SEMA7A: variants seen among roughly 807,000 people sequenced by gnomAD.
SEMA7A encodes semaphorin-7A.
SEMA7A carries 21 observed loss-of-function variants against 67.5 expected under a neutral mutation model. The ratio of observed to expected loss-of-function variants is 0.31; its 90% CI spans 0.22 to 0.45. The LOEUF (loss-of-function observed/expected upper bound fraction) is 0.45, where lower values mean the gene tolerates loss of function less well. Ranked by LOEUF, SEMA7A falls within the 20% of genes least tolerant of loss-of-function variation. The probability of loss-of-function intolerance (pLI) is 1.00; values close to 1 mark genes in which losing one functional copy is unlikely to be tolerated. For synonymous variants in SEMA7A, 364 were observed against 368.5 expected, an observed-to-expected ratio of 0.99 and a Z score of 0.14; for missense variants, 774 against 908.6, an observed-to-expected ratio of 0.85 and a Z score of 1.90.
chr15:74,430,161 C>A (rs2061075990), intron 1 of SEMA7A, among the ~76,000 whole-genome samples: 1 of 152,168 alleles, frequency 6.6e-6, no homozygotes, highest in African/African-American at 2.4e-5. Flanking sequence ...AATATGTCCA[C>A]CCTTGAGGGC....
At chr15:74,427,286 G>C in intron 1 of SEMA7A, 1 of 985,400 alleles carries the variant, frequency 1.0e-6, no homozygotes, top group East Asian at 1.1e-4. Flanking sequence ...CCATTCCCAG[G>C]GAGCAGCTCA....
At chr15:74,433,235 G>T (rs971372710) in intron 1 of SEMA7A, among the ~76,000 whole-genome samples, 4 of 151,352 alleles carry the variant, frequency 2.6e-5, no homozygotes, top group Non-Finnish European at 1.5e-5. Flanking sequence ...GGGGGCAGGC[G>T]GCGGGGTCTT....
In SEMA7A at chr15:74,418,771, G is replaced by T. The variant is rs199640283; in HGVS notation, c.330+30C>A. 85 of 1,608,668 alleles carry T rather than the reference G, an allele frequency of 5.3e-5. No individual in the cohort carries two copies. The East Asian group carries it at 1.1e-3, about 21-fold the overall frequency. ...GGCCAGAGGGGAGATAAGAGGGTAG[G>T]GGGGGTGTTGGGGGAAGAGAGAGGC... On this transcript the variant is annotated intron_variant, in intron 2 of 13. Coordinates refer to ENST00000261918, the MANE Select transcript of SEMA7A (RefSeq NM_003612.5).
chr15:74,430,764 G>A (rs1004437273), intron 1 of SEMA7A, among the ~76,000 whole-genome samples: 9 of 152,322 alleles, frequency 5.9e-5, no homozygotes, highest in African/African-American at 1.7e-4. Context: ...AGTCCCCAAG[G>A]GGGCAAGGAT....
intron 1 of SEMA7A, among the ~76,000 whole-genome samples, chr15:74,426,893 A>T (rs1036291719): frequency 6.6e-6 from 1 of 152,146 alleles, no homozygotes; most frequent in African/African-American, 2.4e-5. Flanking sequence ...CCTCAGCTCA[A>T]GGACCCACCA....
intron 1 of SEMA7A, among the ~76,000 whole-genome samples, chr15:74,421,730 G>T (rs764718498): frequency 2.0e-5 from 3 of 152,186 alleles, no homozygotes; most frequent in Non-Finnish European, 4.4e-5. Flanking sequence ...TACATGAAAG[G>T]AAGCTTTGTT....
At chr15:74,417,817 G>T in intron 4 of SEMA7A, 60 bp downstream of exon 4, 1 of 1,584,662 alleles carries the variant, frequency 6.3e-7, no homozygotes, top group Non-Finnish European at 8.7e-7. Flanking sequence ...CACCATGAGG[G>T]GCAGAAGCCC....
chr15:74,410,851 G>C lies in SEMA7A; in HGVS notation c.1774C>G (p.Gln592Glu). ...NVEQSCEPGH[Q>E]SPNCILFIEN... The stretch of plus-strand genomic sequence containing the variant: ...ATGAACAGGATGCAGTTGGGGCTCT[G>C]GTGACCAGGTTCGCAGCTCTGCTCC... The change falls in exon 14 of 14, where the codon CAG (glutamine) becomes GAG (glutamate). Residue 592 changes from glutamine to glutamate, a missense_variant. This residue lies in a region of SEMA7A where 427 missense variants were observed against 555.4 expected (regional missense o/e 0.77). Transcript: ENST00000261918. This position sits in a 1 kb window ranked among gnomAD's most constrained non-coding sequence, Gnocchi z 7.5. 3 of 1,614,220 alleles carry C rather than the reference G, an allele frequency of 1.9e-6. No individual in the cohort carries two copies. Among genetic ancestry groups the C allele is most frequent in the Non-Finnish European group, 2.5e-6 (3 of 1,180,032 alleles).
intron 1 of SEMA7A, 88 bp from the exon 2 acceptor site, chr15:74,419,040 G>A (rs2060977524): frequency 3.4e-6 from 5 of 1,451,796 alleles, no homozygotes; most frequent in South Asian, 2.5e-5. Flanking sequence ...ACTGGAACCA[G>A]TGCTTGGTGC....
At position 74,423,644 on chromosome 15, in the gene SEMA7A, G is replaced by A. The variant is rs769722130; in HGVS notation, c.179-4692C>T. Among the ~76,000 whole-genome samples, 2 of 152,118 alleles carry A rather than the reference G, an allele frequency of 1.3e-5. No homozygotes were observed. Among genetic ancestry groups the A allele is most frequent in the Admixed American group, 6.5e-5 (1 of 15,268 alleles). ...ACCTGATAACTAAAGGGAATCACCC[G>A]CCCACCCACCTTCCAGGTGAGGCCC... On this transcript the variant is annotated intron_variant, in intron 1 of 13. Transcript: ENST00000261918. This position sits in a 1 kb window ranked among gnomAD's most constrained non-coding sequence, Gnocchi z 4.1.
At chr15:74,417,304 C>A in intron 6 of SEMA7A, 31 bp downstream of exon 6, 2 of 1,571,762 alleles carry the variant, frequency 1.3e-6, no homozygotes, top group Non-Finnish European at 1.8e-6. Context: ...ACCCCCTTGC[C>A]CACCCTCAGC....
intron 1 of SEMA7A, among the ~76,000 whole-genome samples, chr15:74,426,027 CT>C (rs2061041158): frequency 6.6e-6 from 1 of 152,236 alleles, no homozygotes; most frequent in South Asian, 2.1e-4. Flanking sequence ...AATCCCGGCG[CT>C]TTGGGAGGCT....
Position 74,426,126 on chromosome 15 carries a change from T to C in SEMA7A, c.179-7174A>G, listed in dbSNP as rs28362886. 3.2e-3 allele frequency among the ~76,000 whole-genome samples: 493 copies of C among 152,052 alleles called. 3 individuals are homozygous for C. Among genetic ancestry groups the C allele is most frequent in the African/African-American group, 0.012 (488 of 41,466 alleles). On this transcript the variant is annotated intron_variant, in intron 1 of 13. Coordinates refer to ENST00000261918, the MANE Select transcript of SEMA7A (RefSeq NM_003612.5). ...CATCTCTACCAAAAATACAAAAAAA[T>C]TAGCCAGACATGGTGGTGTGCGCCT...
Position 74,410,914 on chromosome 15 carries a change from G to A in SEMA7A, c.1711C>T (p.Arg571Cys), listed in dbSNP as rs1567068931. ...RYYLSCPMES[R>C]HATYSWRHKE... ...TGGCGCCATGAGTAGGTGGCGTGGCGGGATTCCATGGGGCAGCTCAGGTAG... is the reference window on the plus strand; with the variant it reads ...TGGCGCCATGAGTAGGTGGCGTGGCAGGATTCCATGGGGCAGCTCAGGTAG... Residue 571 changes from arginine (R) to cysteine (C), a missense_variant, in exon 14 of 14, where the codon CGC (arginine) becomes TGC (cysteine). By Grantham distance (180) the Arg-to-Cys change is radical. Coordinates refer to ENST00000261918, the MANE Select transcript of SEMA7A (RefSeq NM_003612.5). The surrounding 1 kb of genome is among the most constrained non-coding windows in gnomAD (Gnocchi z 7.5). 6 of 1,614,162 alleles carry A rather than the reference G, an allele frequency of 3.7e-6. No homozygotes were observed. The highest frequency in any genetic ancestry group is 5.1e-6 in the Non-Finnish European group (6 of 1,180,036).
At chr15:74,430,607 G>C (rs2061080498) in intron 1 of SEMA7A, among the ~76,000 whole-genome samples, 1 of 152,210 alleles carries the variant, frequency 6.6e-6, no homozygotes, top group Admixed American at 6.5e-5. Context: ...CCAGGACAGA[G>C]GGGTCACAGA....
Position 74,411,457 on chromosome 15 carries a change from C to T in SEMA7A, c.1577+99G>A. ...AGTTCCAGCAGAGAGGAGGGTCCCA[C>T]AAGAAAGGCCCAGTACCGCCACCTC... is the stretch of plus-strand genomic sequence containing the variant. On this transcript the variant is annotated intron_variant, in intron 12 of 13. Transcript: ENST00000261918. This position sits in a 1 kb window ranked among gnomAD's most constrained non-coding sequence, Gnocchi z 4.4. 6.5e-7 allele frequency: 1 copy of T among 1,547,346 alleles called. No individual in the cohort carries two copies. The highest frequency in any genetic ancestry group is 1.4e-5 in the African/African-American group (1 of 73,274).
chr15:74,433,609 G>T (rs972935166), intron 1 of SEMA7A, 132 bp downstream of exon 1: 7 of 1,271,714 alleles, frequency 5.5e-6, no homozygotes, highest in Admixed American at 4.3e-5. Flanking sequence ...CACGCTCCAC[G>T]CGGGGACAGC....
rs28362889 is a variant in SEMA7A, at chr15:74,425,447, T to C, written c.179-6495A>G. Among the ~76,000 whole-genome samples, 575 of 152,230 alleles carry C rather than the reference T, an allele frequency of 3.8e-3. 5 individuals carry two copies. Among genetic ancestry groups the C allele is most frequent in the African/African-American group, 0.013 (558 of 41,526 alleles). On this transcript the variant is annotated intron_variant, in intron 1 of 13. Coordinates refer to ENST00000261918, the MANE Select transcript of SEMA7A (RefSeq NM_003612.5). ...GCAAGCTGACTCCAGAATCTGTGCT[T>C]ATAACATCGTATTCCAGAGATGAGC...
chr15:74,433,725 G>C lies in SEMA7A; in HGVS notation c.178+16C>G, dbSNP rs550611342. On this transcript the variant is annotated intron_variant, in intron 1 of 13. Coordinates refer to ENST00000261918, the MANE Select transcript of SEMA7A (RefSeq NM_003612.5). The stretch of plus-strand genomic sequence containing the variant: ...CGTCTGATCCCGCGCCTGACCGGCC[G>C]CGCGGCGCCGCCTACCTTTCCAGAC... The C allele has an allele frequency of 1.8e-5, 25 of 1,422,470 alleles. No homozygotes were observed. Among genetic ancestry groups the C allele is most frequent in the African/African-American group, 1.5e-4 (10 of 66,356 alleles). 88.1% of individuals were successfully genotyped at this position (1,422,470 alleles called of 1,614,324 possible).
Sources: gnomAD v4.1 joint callset for allele counts (sites outside exome capture counted in the v4.1 genomes callset) on GRCh38, gnomAD v4.1.1 for gene constraint, gnomAD v4.1.1 regional missense constraint, Gnocchi (gnomAD v3.1) non-coding constraint, MANE v1.5 for transcripts, NCBI Gene and HGNC (gene_info 2026-07-23, HGNC 2026-07-21) for gene names.